GALNTL6: variants seen among roughly 807,000 people sequenced by gnomAD.
The protein encoded by GALNTL6 is polypeptide N-acetylgalactosaminyltransferase like 6.
In GALNTL6, 46 loss-of-function variants were observed where a neutral mutation model predicts 73.7. The observed-to-expected ratio is 0.62, with a 90% CI of 0.49 to 0.80. The LOEUF (loss-of-function observed/expected upper bound fraction) is 0.80, where lower values mean the gene tolerates loss of function less well. Ranked by LOEUF, GALNTL6 falls within the 30% of genes least tolerant of loss-of-function variation. The pLI is 0.00. For synonymous variants in GALNTL6, 259 were observed against 263.7 expected, an observed-to-expected ratio of 0.98 and a Z score of 0.17; for missense variants, 604 against 755.0, an observed-to-expected ratio of 0.80 and a Z score of 2.34.
At chr4:171,880,096 GT>G (rs955094567) in intron 2 of GALNTL6, among the ~76,000 whole-genome samples, 2 of 152,050 alleles carry the variant, frequency 1.3e-5, no homozygotes, top group African/African-American at 4.8e-5. Context: ...TACATCTAAG[GT>G]AAAATTCTAA....
intron 5 of GALNTL6, among the ~76,000 whole-genome samples, chr4:172,774,959 CAATAAT>C (rs57591714): frequency 0.012 from 1,743 of 140,600 alleles, 32 homozygotes; most frequent in South Asian, 0.047. Flanking sequence ...GGCTCCATCT[CAATAAT>C]AATAATAATA....
intron 5 of GALNTL6, among the ~76,000 whole-genome samples, chr4:172,412,788 A>C (rs1359576656): frequency 6.6e-6 from 1 of 152,194 alleles, no homozygotes; most frequent in Admixed American, 6.6e-5. Flanking sequence ...TTTAACAACA[A>C]GTAACAAAAA....
rs149318373 is a variant in GALNTL6, at chr4:172,437,101, G to A, written c.553+88412G>A. ...TTCAGTCCACCCAACTACTTCATGT[G>A]TGCCTTTCCAGTCAATATAACTCTC... is the stretch of plus-strand genomic sequence containing the variant. On this transcript the variant is annotated intron_variant, in intron 5 of 12. Coordinates refer to ENST00000506823, the MANE Select transcript of GALNTL6 (RefSeq NM_001034845.3). Among the ~76,000 whole-genome samples, 744 of 152,200 alleles carry A rather than the reference G, an allele frequency of 4.9e-3. 1 individual carries two copies. The highest frequency in any genetic ancestry group is 0.01 in the Middle Eastern group (3 of 294).
At chr4:172,718,989 C>T (rs1319567870) in intron 5 of GALNTL6, among the ~76,000 whole-genome samples, 1 of 152,138 alleles carries the variant, frequency 6.6e-6, no homozygotes, top group South Asian at 2.1e-4. Flanking sequence ...ATGAAACACT[C>T]TCCAATTTAT....
intron 7 of GALNTL6, among the ~76,000 whole-genome samples, chr4:172,882,497 T>C (rs1745507944): frequency 6.6e-6 from 1 of 152,240 alleles, no homozygotes; most frequent in Non-Finnish European, 1.5e-5. Flanking sequence ...TGTAGTAATA[T>C]TTCTCACTAG....
chr4:172,268,305 G>A (rs533842369), intron 3 of GALNTL6, among the ~76,000 whole-genome samples: 89 of 152,296 alleles, frequency 5.8e-4, no homozygotes, highest in African/African-American at 2.1e-3. Flanking sequence ...ATGCTCTTGG[G>A]ATCACCACAT....
At chr4:172,045,446 C>T (rs761068909) in intron 2 of GALNTL6, among the ~76,000 whole-genome samples, 19 of 151,950 alleles carry the variant, frequency 1.3e-4, no homozygotes, top group Non-Finnish European at 1.2e-4. Flanking sequence ...AATTTAAAAA[C>T]AATATCATAA....
At chr4:172,835,502 T>C (rs1392564099) in intron 7 of GALNTL6, among the ~76,000 whole-genome samples, 1 of 152,198 alleles carries the variant, frequency 6.6e-6, no homozygotes, top group African/African-American at 2.4e-5. Context: ...AAATACAGTG[T>C]GGAGTCCACA....
At chr4:172,479,111 C>G (rs1733346253) in intron 5 of GALNTL6, among the ~76,000 whole-genome samples, 1 of 152,128 alleles carries the variant, frequency 6.6e-6, no homozygotes, top group South Asian at 2.1e-4. Flanking sequence ...GTGGAGATTT[C>G]TCAAAGAACT....
chr4:171,889,705 A>G (rs1736707719), intron 2 of GALNTL6, among the ~76,000 whole-genome samples: 1 of 152,120 alleles, frequency 6.6e-6, no homozygotes, highest in East Asian at 1.9e-4. Flanking sequence ...GGAGAAAAAG[A>G]TGACAAACTT....
At chr4:172,801,717 A>G (rs1213016891) in intron 5 of GALNTL6, among the ~76,000 whole-genome samples, 1 of 152,116 alleles carries the variant, frequency 6.6e-6, no homozygotes, top group Non-Finnish European at 1.5e-5. Context: ...TTTTGTTTCT[A>G]ATATTTTCTC....
chr4:172,769,709 A>T lies in GALNTL6; in HGVS notation c.554-39652A>T, dbSNP rs142987836. On this transcript the variant is annotated intron_variant, in intron 5 of 12. Coordinates refer to ENST00000506823, the MANE Select transcript of GALNTL6 (RefSeq NM_001034845.3). ...TTATATTTATCTTATCCTTGATATGATGCTGACTTAATTCCCAAATAGAGA... is the reference window on the plus strand; with the variant it reads ...TTATATTTATCTTATCCTTGATATGTTGCTGACTTAATTCCCAAATAGAGA... Among the ~76,000 whole-genome samples the T allele has an allele frequency of 8.0e-4, 122 of 152,340 alleles. 1 individual carries two copies. The South Asian group carries it at 0.016, about 20-fold the overall frequency.
At chr4:172,595,341 T>C (rs73869552) in intron 5 of GALNTL6, among the ~76,000 whole-genome samples, 1,767 of 152,290 alleles carry the variant, frequency 0.012, 36 homozygotes, top group African/African-American at 0.04. Context: ...TTAAGAGACC[T>C]GAGTCATTAC....
chr4:172,814,085 AT>A (rs1243863024), intron 7 of GALNTL6, among the ~76,000 whole-genome samples: 3 of 152,162 alleles, frequency 2.0e-5, no homozygotes, highest in Non-Finnish European at 4.4e-5. Flanking sequence ...GAAAACAACT[AT>A]TTTGTTTTTC....
At chr4:172,045,666 G>GA (rs1404899324) in intron 2 of GALNTL6, among the ~76,000 whole-genome samples, 2 of 150,838 alleles carry the variant, frequency 1.3e-5, no homozygotes, top group Non-Finnish European at 3.0e-5. Context: ...TTCTTTAATA[G>GA]AAAATATCTC....
intron 5 of GALNTL6, among the ~76,000 whole-genome samples, chr4:172,437,734 C>T (rs1731685095): frequency 6.6e-6 from 1 of 152,098 alleles, no homozygotes; most frequent in Non-Finnish European, 1.5e-5. Flanking sequence ...GGAAGTCACA[C>T]AGACCCTTAT....
intron 5 of GALNTL6, among the ~76,000 whole-genome samples, chr4:172,642,806 A>T (rs2111126921): frequency 6.6e-6 from 1 of 152,094 alleles, no homozygotes; most frequent in Non-Finnish European, 1.5e-5. Flanking sequence ...ATTTAAAAAC[A>T]TCATTATATA....
intron 10 of GALNTL6, among the ~76,000 whole-genome samples, chr4:172,956,584 G>T (rs1331574950): frequency 6.6e-6 from 1 of 152,170 alleles, no homozygotes. Flanking sequence ...ATAGGAGTAT[G>T]ACTAGACAGA....
intron 5 of GALNTL6, among the ~76,000 whole-genome samples, chr4:172,569,859 G>T (rs1400820399): frequency 6.6e-6 from 1 of 152,160 alleles, no homozygotes. Flanking sequence ...ATATGCGAGG[G>T]ATTATGAGCT....
Sources: gnomAD v4.1 joint callset for allele counts (sites outside exome capture counted in the v4.1 genomes callset) on GRCh38, gnomAD v4.1.1 for gene constraint, MANE v1.5 for transcripts, NCBI Gene and HGNC (gene_info 2026-07-23, HGNC 2026-07-21) for gene names.